Variants in CCDC73 observed in about 807,000 individuals in gnomAD.
The protein encoded by CCDC73 is coiled-coil domain containing 73, also known as coiled-coil domain-containing protein 73.
Under a neutral mutation model 116.5 loss-of-function variants are expected in CCDC73, and 95 were observed. The observed-to-expected ratio is 0.82, with a 90% CI of 0.69 to 0.97. The LOEUF (loss-of-function observed/expected upper bound fraction) is 0.97. Among genes scored for constraint, CCDC73 ranks in the 50% least tolerant of loss-of-function variants. The pLI is 0.00. For synonymous variants in CCDC73, 398 were observed against 401.3 expected, an observed-to-expected ratio of 0.99 and a Z score of 0.10; for missense variants, 1,066 against 1,206.8, an observed-to-expected ratio of 0.88 and a Z score of 1.73.
chr11:32,760,011 C>A, intron 2 of CCDC73, 98 bp downstream of exon 2: 2 of 968,226 alleles, frequency 2.1e-6, no homozygotes, highest in Non-Finnish European at 3.2e-6. Flanking sequence ...TATTTCTAAA[C>A]AAGAGGGATT....
chr11:32,645,294 T>TC (rs113338596), intron 12 of CCDC73, among the ~76,000 whole-genome samples: 104 of 140,046 alleles, frequency 7.4e-4, no homozygotes, highest in African/African-American at 2.3e-3. Context: ...TCTTTTTCTT[T>TC]TTTTTTTTTT....
chr11:32,679,884 C>T (rs958924543), intron 7 of CCDC73: 6 of 152,154 alleles, frequency 3.9e-5, no homozygotes, highest in African/African-American at 1.4e-4. Context: ...GCTTTATATA[C>T]ATTAGAGTAA....
chr11:32,690,031 T>C (rs1286746546), intron 6 of CCDC73, among the ~76,000 whole-genome samples: 1 of 151,836 alleles, frequency 6.6e-6, no homozygotes, highest in East Asian at 1.9e-4. Flanking sequence ...CTCACAGGCA[T>C]AAAGAAATAG....
At chr11:32,731,352 G>A (rs909678271) in intron 2 of CCDC73, among the ~76,000 whole-genome samples, 4 of 152,164 alleles carry the variant, frequency 2.6e-5, no homozygotes, top group African/African-American at 7.2e-5. Flanking sequence ...TGGGGGCAGG[G>A]CATAGATGAA....
upstream of CCDC73, among the ~76,000 whole-genome samples, chr11:32,794,859 C>T (rs1850709694): frequency 7.3e-6 from 1 of 137,320 alleles, no homozygotes. Flanking sequence ...TGTTTGTTTT[C>T]GGTTTGTTTT....
intron 3 of CCDC73, among the ~76,000 whole-genome samples, chr11:32,705,521 G>A (rs1368555033): frequency 1.3e-5 from 2 of 152,130 alleles, no homozygotes; most frequent in Non-Finnish European, 2.9e-5. Flanking sequence ...CGGACCCCAC[G>A]CTCACTCGCT....
At chr11:32,827,842 A>G in the CCDC73 span, among the ~76,000 whole-genome samples, 1 of 152,222 alleles carries the variant, frequency 6.6e-6, no homozygotes, top group East Asian at 1.9e-4. Context: ...TCTCCCCACC[A>G]GGAGGTCTCA....
At chr11:32,658,600 T>C (rs1855894847) in intron 9 of CCDC73, among the ~76,000 whole-genome samples, 1 of 152,194 alleles carries the variant, frequency 6.6e-6, no homozygotes, top group Non-Finnish European at 1.5e-5. Context: ...ACCAAGTACC[T>C]CCTGTGTGTC....
intron 9 of CCDC73, among the ~76,000 whole-genome samples, chr11:32,663,556 T>C (rs1194091707): frequency 1.3e-5 from 2 of 152,234 alleles, no homozygotes; most frequent in African/African-American, 4.8e-5. Flanking sequence ...CTGAAGTTGC[T>C]TATCAGCTTA....
chr11:32,748,328 G>C (rs1850258431), intron 2 of CCDC73, among the ~76,000 whole-genome samples: 1 of 151,838 alleles, frequency 6.6e-6, no homozygotes, highest in Non-Finnish European at 1.5e-5. Context: ...TTACCATTAG[G>C]CTTGCAAATA....
intron 2 of CCDC73, among the ~76,000 whole-genome samples, chr11:32,718,788 T>G (rs1736404800): frequency 6.6e-6 from 1 of 152,094 alleles, no homozygotes; most frequent in South Asian, 2.1e-4. Context: ...CTTCCTTATC[T>G]CCTCTAAGCA....
intron 2 of CCDC73, among the ~76,000 whole-genome samples, chr11:32,753,214 C>T (rs932460948): frequency 2.0e-5 from 3 of 152,042 alleles, no homozygotes; most frequent in Non-Finnish European, 4.4e-5. Context: ...AATCTCTATG[C>T]CCAAGAATAT....
At chr11:32,603,808 C>A in intron 17 of CCDC73, 1 of 152,386 alleles carries the variant, frequency 6.6e-6, no homozygotes, top group Non-Finnish European at 1.5e-5. Flanking sequence ...GGCACTGTGA[C>A]TCATACCTGT....
intron 2 of CCDC73, among the ~76,000 whole-genome samples, chr11:32,729,480 T>G (rs1850057396): frequency 6.6e-6 from 1 of 152,230 alleles, no homozygotes; most frequent in South Asian, 2.1e-4. Context: ...GCAATGAACA[T>G]ACGTGTGCAT....
At chr11:32,633,063 A>AT (rs1281516586) in intron 14 of CCDC73, among the ~76,000 whole-genome samples, 5 of 152,038 alleles carry the variant, frequency 3.3e-5, no homozygotes, top group African/African-American at 1.2e-4. Flanking sequence ...TTTGTTTGTT[A>AT]TTTTTTCCTG....
In CCDC73 at chr11:32,675,536, T is replaced by A; in HGVS notation, c.645+29A>T. The A allele has an allele frequency of 3.0e-6, 4 of 1,333,234 alleles. No individual in the cohort carries two copies. The South Asian group carries it at 5.1e-5, about 17-fold the overall frequency. The allele number at this position is 1,333,234 out of a possible 1,614,324, so 82.6% of individuals were successfully genotyped here. ...GACTATTTTATATTATAATTTTTACTTAGTAGTGTGAAACTGTATCAATCA... is the reference window on the plus strand; with the variant it reads ...GACTATTTTATATTATAATTTTTACATAGTAGTGTGAAACTGTATCAATCA... On this transcript the variant is annotated intron_variant, in intron 9 of 17. Transcript: ENST00000335185.
intron 2 of CCDC73, among the ~76,000 whole-genome samples, chr11:32,751,871 T>A (rs1385646372): frequency 6.6e-6 from 1 of 152,144 alleles, no homozygotes; most frequent in Admixed American, 6.5e-5. Flanking sequence ...CCTCAAAACT[T>A]AGTAATTTAA....
At position 32,763,815 on chromosome 11, in the gene CCDC73, C is replaced by T. The variant is rs919087143; in HGVS notation, c.-15-3557G>A. Among the ~76,000 whole-genome samples, 11 of 152,196 alleles carry T rather than the reference C, an allele frequency of 7.2e-5. No homozygotes were observed. In the South Asian group the frequency reaches 2.3e-3, roughly 32 times the overall value. ...AAGGCTTCAGATGATCAAACTTCTC[C>T]AAGCTAAAGGAGGAAGTTCAAACCC... On this transcript the variant is annotated intron_variant, in intron 1 of 17. Transcript: ENST00000335185.
Position 32,731,487 on chromosome 11 carries a change from G to A in CCDC73, c.136-13340C>T, listed in dbSNP as rs11031954. On this transcript the variant is annotated intron_variant, in intron 2 of 17. Coordinates refer to ENST00000335185, the MANE Select transcript of CCDC73 (RefSeq NM_001008391.4). ...TGCATCAAGTGGGTCCCTGACTCCC[G>A]AGTAGCCTAACTGGGAGGCACTTCC... Among the ~76,000 whole-genome samples the A allele has an allele frequency of 7.6e-4, 115 of 152,316 alleles. 1 individual carries two copies. In the East Asian group the frequency reaches 0.017, roughly 22 times the overall value.
Sources: allele counts gnomAD v4.1 joint callset (sites outside exome capture counted in the v4.1 genomes callset), GRCh38; gene constraint gnomAD v4.1.1; transcripts MANE v1.5; gene names NCBI Gene and HGNC (gene_info 2026-07-23, HGNC 2026-07-21).